IL1RAPL1: variants seen among roughly 807,000 people sequenced by gnomAD.
IL1RAPL1 encodes interleukin 1 receptor accessory protein like 1.
A neutral mutation model predicts 48.4 loss-of-function variants in IL1RAPL1; 3 were observed. The observed-to-expected ratio is 0.06, with a 90% CI of 0.03 to 0.16. The LOEUF (loss-of-function observed/expected upper bound fraction) is 0.16. Among genes scored for constraint, IL1RAPL1 ranks in the 10% least tolerant of loss-of-function variants. The pLI, the probability that IL1RAPL1 is intolerant of heterozygous loss-of-function variation, is 1.00. For missense variants in IL1RAPL1, 349 were observed against 530.6 expected (o/e 0.66, Z 3.36); for synonymous variants, 185 against 187.7 (o/e 0.99, Z 0.12).
At chrX:29,018,872 T>C (rs937691764) in intron 2 of IL1RAPL1, among the ~76,000 whole-genome samples, 2 of 111,914 alleles carry the variant, frequency 1.8e-5, no homozygotes, top group African/African-American at 3.3e-5. Context: ...GAGTTGGAGA[T>C]GGAGAATGAC....
intron 2 of IL1RAPL1, among the ~76,000 whole-genome samples, chrX:29,055,554 T>C (rs1226184498): frequency 8.9e-6 from 1 of 111,803 alleles, no homozygotes; most frequent in Non-Finnish European, 1.9e-5. Flanking sequence ...TTGAGTGCGC[T>C]ATACTAAAAA....
At chrX:28,952,679 A>G (rs1200405234) in intron 2 of IL1RAPL1, among the ~76,000 whole-genome samples, 2 of 111,628 alleles carry the variant, frequency 1.8e-5, no homozygotes, top group African/African-American at 6.5e-5. Context: ...CGAAGAAAAC[A>G]AAACCATTAT....
chrX:29,223,558 T>A (rs551182775), intron 2 of IL1RAPL1, among the ~76,000 whole-genome samples: 9,334 of 108,427 alleles, frequency 0.086, 405 homozygotes, highest in Non-Finnish European at 0.12. Context: ...TTTTTTTTTT[T>A]TTTTGAGATG....
At chrX:29,921,211 A>C (rs1932845921) in intron 8 of IL1RAPL1, among the ~76,000 whole-genome samples, 1 of 112,156 alleles carries the variant, frequency 8.9e-6, no homozygotes, top group Non-Finnish European at 1.9e-5. Flanking sequence ...GAGAAAAATA[A>C]TTTTTCTACA....
intron 2 of IL1RAPL1, among the ~76,000 whole-genome samples, chrX:29,192,565 A>G (rs761190459): frequency 2.7e-5 from 3 of 112,226 alleles, no homozygotes; most frequent in South Asian, 3.7e-4. Flanking sequence ...GAACAATTCT[A>G]TTCTCAACAT....
chrX:29,491,115 A>C (rs1338255524), intron 5 of IL1RAPL1, among the ~76,000 whole-genome samples: 1 of 111,569 alleles, frequency 9.0e-6, no homozygotes. Context: ...TCAGTGTTCT[A>C]ATTAAATTCT....
At chrX:28,704,781 T>C in intron 1 of IL1RAPL1, among the ~76,000 whole-genome samples, 1 of 86,144 alleles carries the variant, frequency 1.2e-5, no homozygotes. Context: ...CAGCGGCAAG[T>C]TGGCAGGTTT....
intron 5 of IL1RAPL1, among the ~76,000 whole-genome samples, chrX:29,513,783 G>C (rs1481725623): frequency 1.8e-5 from 2 of 111,765 alleles, no homozygotes; most frequent in African/African-American, 6.5e-5. Flanking sequence ...ATTTATCAGT[G>C]CATTTGTAAA....
intron 1 of IL1RAPL1, among the ~76,000 whole-genome samples, chrX:28,647,866 GT>G (rs1934632735): frequency 8.9e-6 from 1 of 111,771 alleles, no homozygotes; most frequent in Non-Finnish European, 1.9e-5. Context: ...TGTATGCCTG[GT>G]TCTAGTTTCA....
At chrX:28,699,477 A>T (rs143996060) in intron 1 of IL1RAPL1, among the ~76,000 whole-genome samples, 7 of 112,674 alleles carry the variant, frequency 6.2e-5, no homozygotes, top group Non-Finnish European at 9.4e-5. Context: ...GGATAAATGG[A>T]TACATATGGA....
chrX:29,765,245 C>CT lies in IL1RAPL1; in HGVS notation c.778+96760dup, dbSNP rs68094158. Among the ~76,000 whole-genome samples, 508 of 81,650 alleles carry CT rather than the reference C, an allele frequency of 6.2e-3. 3 individuals are homozygous for CT. Among genetic ancestry groups the CT allele is most frequent in the African/African-American group, 0.012 (265 of 22,865 alleles). 70.9% of individuals were successfully genotyped at this position (81,650 alleles called of 115,157 possible). ...TGAAGTTAATAGCAGTAGTTCTAGG[C>CT]TTTTTTTTTTTTTTTTTTTAAATCA... On this transcript the variant is annotated intron_variant, in intron 6 of 10. Transcript: ENST00000378993.
intron 2 of IL1RAPL1, among the ~76,000 whole-genome samples, chrX:29,080,149 GGC>G (rs1474470785): frequency 3.6e-5 from 4 of 110,629 alleles, no homozygotes; most frequent in Admixed American, 9.7e-5. Context: ...ACTTTTAGGA[GGC>G]GGAGACAGAA....
chrX:28,612,393 C>G (rs1035045201), intron 1 of IL1RAPL1, among the ~76,000 whole-genome samples: 1 of 111,811 alleles, frequency 8.9e-6, no homozygotes, highest in Admixed American at 9.5e-5. Flanking sequence ...CCCAGGGACC[C>G]CGGGCGGGGC....
At chrX:29,234,108 G>A (rs749864970) in intron 2 of IL1RAPL1, among the ~76,000 whole-genome samples, 126 of 112,137 alleles carry the variant, frequency 1.1e-3, no homozygotes, top group Admixed American at 1.8e-3. Context: ...ATACTGCTTC[G>A]TGAGACTCGG....
At chrX:29,849,962 A>G (rs959136973) in intron 6 of IL1RAPL1, among the ~76,000 whole-genome samples, 2 of 111,781 alleles carry the variant, frequency 1.8e-5, no homozygotes, top group Non-Finnish European at 3.8e-5. Flanking sequence ...CTTGGCCCCA[A>G]ATCTTTTACA....
At chrX:29,646,647 G>A (rs1407213393) in intron 5 of IL1RAPL1, among the ~76,000 whole-genome samples, 8 of 109,584 alleles carry the variant, frequency 7.3e-5, no homozygotes, top group Non-Finnish European at 1.9e-5. Flanking sequence ...TTAAATAAAA[G>A]CCAAGTCATA....
intron 2 of IL1RAPL1, among the ~76,000 whole-genome samples, chrX:29,204,706 C>T: frequency 9.0e-6 from 1 of 111,715 alleles, no homozygotes; most frequent in Middle Eastern, 4.6e-3. Context: ...TATTGTATTC[C>T]TATACATAAT....
At chrX:28,960,121 T>G (rs1485066983) in intron 2 of IL1RAPL1, among the ~76,000 whole-genome samples, 1 of 111,930 alleles carries the variant, frequency 8.9e-6, no homozygotes, top group Non-Finnish European at 1.9e-5. Flanking sequence ...TTAGGTAGGA[T>G]GAGGCACGTG....
chrX:29,090,604 A>G (rs1267943585), intron 2 of IL1RAPL1, among the ~76,000 whole-genome samples: 1 of 112,035 alleles, frequency 8.9e-6, no homozygotes, highest in Non-Finnish European at 1.9e-5. Context: ...ATTCAACAGA[A>G]ATGGGTTTTT....
Sources: allele counts gnomAD v4.1 joint callset (sites outside exome capture counted in the v4.1 genomes callset), GRCh38; gene constraint gnomAD v4.1.1; transcripts MANE v1.5; gene names NCBI Gene and HGNC (gene_info 2026-07-23, HGNC 2026-07-21).